NAALADL2: variants seen among roughly 807,000 people sequenced by gnomAD.
NAALADL2 encodes N-acetylated alpha-linked acidic dipeptidase like 2, also known as inactive N-acetylated-alpha-linked acidic dipeptidase-like protein 2.
A neutral mutation model predicts 87.2 loss-of-function variants in NAALADL2; 76 were observed. The ratio of observed to expected loss-of-function variants is 0.87; its 90% CI spans 0.72 to 1.05. NAALADL2 has a LOEUF of 1.05. NAALADL2 is among the 50% of genes least tolerant of loss of function. NAALADL2 has a pLI of 0.00. For synonymous variants in NAALADL2, 354 were observed against 331.0 expected (o/e 1.07, Z -0.75); for missense variants, 1,089 against 945.8 (o/e 1.15, Z -1.99).
At chr3:175,427,624 G>A (rs911476379) in intron 5 of NAALADL2, among the ~76,000 whole-genome samples, 2 of 152,144 alleles carry the variant, frequency 1.3e-5, no homozygotes, top group East Asian at 1.9e-4. Context: ...AACTTGAAAT[G>A]TTTTTGTTTC....
intron 1 of NAALADL2, among the ~76,000 whole-genome samples, chr3:175,029,003 A>G (rs928173747): frequency 6.7e-6 from 1 of 149,572 alleles, no homozygotes; most frequent in Non-Finnish European, 1.5e-5. Flanking sequence ...AATATTATGC[A>G]GTCTCTCCAT....
At chr3:174,692,351 C>T (rs774457172) in intron 2 of NAALADL2, among the ~76,000 whole-genome samples, 3 of 152,132 alleles carry the variant, frequency 2.0e-5, no homozygotes, top group African/African-American at 4.8e-5. Context: ...GCATAATGAG[C>T]TCAGGAGGGA....
intron 2 of NAALADL2, among the ~76,000 whole-genome samples, chr3:174,595,673 T>G (rs1717822414): frequency 6.6e-6 from 1 of 152,176 alleles, no homozygotes; most frequent in Non-Finnish European, 1.5e-5. Context: ...CTCCCTCTGT[T>G]GCTTTGGCCT....
chr3:175,345,754 G>A (rs9864843), intron 5 of NAALADL2, among the ~76,000 whole-genome samples: 19,226 of 152,000 alleles, frequency 0.13, 1,671 homozygotes, highest in African/African-American at 0.25. Context: ...AATGGAGCCC[G>A]CAATTCCATA....
rs1469045760 is a variant in NAALADL2, at chr3:175,739,374, A to G, written c.1990+1975A>G. Reference sequence around the variant, plus strand: ...CACATTGGCACATTTCAATTGTCTGACATAAGAAATCTACAAATTGGCACA... The same window carrying G: ...CACATTGGCACATTTCAATTGTCTGGCATAAGAAATCTACAAATTGGCACA... On this transcript the variant is annotated intron_variant, in intron 12 of 13. Coordinates refer to ENST00000454872, the MANE Select transcript of NAALADL2 (RefSeq NM_207015.3). 3.9e-5 allele frequency among the ~76,000 whole-genome samples: 6 copies of G among 152,190 alleles called. No homozygotes were observed. In the East Asian group the frequency reaches 9.6e-4, roughly 24 times the overall value.
At chr3:175,302,739 G>A (rs1322349784) in intron 4 of NAALADL2, among the ~76,000 whole-genome samples, 3 of 151,808 alleles carry the variant, frequency 2.0e-5, no homozygotes, top group Non-Finnish European at 4.4e-5. Context: ...ATAAGTACTG[G>A]GGCAATAGGT....
At chr3:175,278,736 G>C (rs1159062688) in intron 4 of NAALADL2, among the ~76,000 whole-genome samples, 1 of 152,090 alleles carries the variant, frequency 6.6e-6, no homozygotes, top group Admixed American at 6.5e-5. Context: ...TGTGCAGGTC[G>C]ATAAACTGAG....
At chr3:175,580,911 A>G (rs959347562) in intron 10 of NAALADL2, among the ~76,000 whole-genome samples, 3 of 152,152 alleles carry the variant, frequency 2.0e-5, no homozygotes, top group African/African-American at 7.2e-5. Flanking sequence ...AGTTTTGATT[A>G]TATGGTAATA....
chr3:174,482,836 A>C (rs956780790), intron 1 of NAALADL2, among the ~76,000 whole-genome samples: 1 of 152,082 alleles, frequency 6.6e-6, no homozygotes, highest in African/African-American at 2.4e-5. Flanking sequence ...TATGGAACAC[A>C]TGTTCATGCT....
At chr3:175,163,113 A>T (rs1027120276) in intron 2 of NAALADL2, among the ~76,000 whole-genome samples, 46 of 152,118 alleles carry the variant, frequency 3.0e-4, no homozygotes, top group Admixed American at 1.1e-3. Context: ...CTTAGTTCAA[A>T]GAGGCAAGCA....
chr3:175,404,650 G>A (rs750243554), intron 5 of NAALADL2, among the ~76,000 whole-genome samples: 1 of 152,088 alleles, frequency 6.6e-6, no homozygotes, highest in African/African-American at 2.4e-5. Flanking sequence ...GGAAATACTA[G>A]CAGTAGCTAT....
rs888614682 is a variant in NAALADL2, at chr3:175,372,921, T to C, written c.1090+48596T>C. Among the ~76,000 whole-genome samples, 17 of 152,316 alleles carry C rather than the reference T, an allele frequency of 1.1e-4. 1 individual carries two copies. Among genetic ancestry groups the C allele is most frequent in the Admixed American group, 4.6e-4 (7 of 15,294 alleles). ...TCATCATCTTCCCAAAGTGAAGTGC[T>C]TTCTTAAAATATGTTAGAAAGAACA... On this transcript the variant is annotated intron_variant, in intron 5 of 13. Coordinates refer to ENST00000454872, the MANE Select transcript of NAALADL2 (RefSeq NM_207015.3).
At chr3:175,202,036 G>A (rs960264630) in intron 2 of NAALADL2, among the ~76,000 whole-genome samples, 1 of 151,922 alleles carries the variant, frequency 6.6e-6, no homozygotes, top group Non-Finnish European at 1.5e-5. Context: ...CTCTAACAAG[G>A]TCATTACTAT....
At chr3:175,461,856 A>G (rs1013100924) in intron 6 of NAALADL2, among the ~76,000 whole-genome samples, 3 of 152,096 alleles carry the variant, frequency 2.0e-5, no homozygotes, top group African/African-American at 7.2e-5. Context: ...AAACAAACAT[A>G]TGAGCCCAGT....
chr3:174,472,427 G>A (rs536228725), intron 1 of NAALADL2, among the ~76,000 whole-genome samples: 1 of 152,288 alleles, frequency 6.6e-6, no homozygotes, highest in South Asian at 2.1e-4. Flanking sequence ...TCTTCAGAAA[G>A]TACCAATATG....
At chr3:174,794,203 G>A (rs368678948) in intron 3 of NAALADL2, among the ~76,000 whole-genome samples, 7 of 152,064 alleles carry the variant, frequency 4.6e-5, no homozygotes, top group East Asian at 3.9e-4. Flanking sequence ...TAACAGGTTC[G>A]ATTCAGAATG....
intron 2 of NAALADL2, among the ~76,000 whole-genome samples, chr3:174,605,196 G>T (rs1350733387): frequency 6.6e-6 from 1 of 152,196 alleles, no homozygotes; most frequent in Admixed American, 6.5e-5. Flanking sequence ...CAAGATGGCC[G>T]AATAGGAACA....
chr3:174,592,744 T>C (rs1277469007), intron 2 of NAALADL2, among the ~76,000 whole-genome samples: 2 of 152,118 alleles, frequency 1.3e-5, no homozygotes, highest in African/African-American at 4.8e-5. Flanking sequence ...TGTGTAACAA[T>C]GCCCCTACAA....
chr3:175,670,430 T>A (rs1038011359), intron 11 of NAALADL2, among the ~76,000 whole-genome samples: 1 of 144,236 alleles, frequency 6.9e-6, no homozygotes, highest in Non-Finnish European at 1.5e-5. Flanking sequence ...TTTAATATAT[T>A]TATATTAAAT....
Sources: allele counts gnomAD v4.1 joint callset (sites outside exome capture counted in the v4.1 genomes callset), GRCh38; gene constraint gnomAD v4.1.1; transcripts MANE v1.5; gene names NCBI Gene and HGNC (gene_info 2026-07-23, HGNC 2026-07-21).